CPPED1: variants seen among roughly 807,000 people sequenced by gnomAD.
The protein encoded by CPPED1 is serine/threonine-protein phosphatase CPPED1.
A neutral mutation model predicts 28.0 loss-of-function variants in CPPED1; 28 were observed. That is an observed-to-expected ratio of 1.00 (90% CI 0.74 to 1.37). The LOEUF (loss-of-function observed/expected upper bound fraction) is 1.37. Ranked by LOEUF, CPPED1 falls within the 40% of genes most tolerant of loss-of-function variation. CPPED1 has a pLI of 0.00. For synonymous variants in CPPED1, 198 were observed against 180.2 expected (o/e 1.10, Z -0.79); for missense variants, 504 against 416.5 (o/e 1.21, Z -1.83).
intron 3 of CPPED1, among the ~76,000 whole-genome samples, chr16:12,686,655 G>A (rs777788535): frequency 6.6e-6 from 1 of 152,230 alleles, no homozygotes; most frequent in African/African-American, 2.4e-5. Context: ...GCTGGGATGG[G>A]AAAGGTGGCT....
intron 2 of CPPED1, among the ~76,000 whole-genome samples, chr16:12,775,317 G>T (rs2080491517): frequency 6.6e-6 from 1 of 152,128 alleles, no homozygotes. Context: ...AAACGACCCA[G>T]TTCCAGATAT....
At chr16:12,796,867 T>C (rs1164353891) in intron 1 of CPPED1, among the ~76,000 whole-genome samples, 2 of 152,156 alleles carry the variant, frequency 1.3e-5, no homozygotes, top group Admixed American at 1.3e-4. Context: ...CAAATGTTTA[T>C]CAATAGGTGG....
intron 2 of CPPED1, among the ~76,000 whole-genome samples, chr16:12,733,495 G>A (rs1314655430): frequency 6.6e-6 from 1 of 152,090 alleles, no homozygotes; most frequent in Non-Finnish European, 1.5e-5. Context: ...GGCTGGTCTT[G>A]AACTTGTGAC....
rs546480120 is a variant in CPPED1 at position 12,741,839 on chromosome 16, TCAGGAGTTCGAAAC to T, written c.290-36804_290-36791del. 7.2e-5 allele frequency among the ~76,000 whole-genome samples: 11 copies of T among 152,222 alleles called. No homozygotes were observed. In the East Asian group the frequency reaches 1.2e-3, roughly 16 times the overall value. On this transcript the variant is annotated intron_variant, in intron 2 of 3. Coordinates refer to ENST00000381774, the MANE Select transcript of CPPED1 (RefSeq NM_018340.3). ...GCCGAGGCAGGTGGATCACTTGAGG[TCAGGAGTTCGAAAC>T]CAGGAGTTCGAAACCAGCATCGCCA...
At chr16:12,777,013 T>G (rs778997138) in intron 2 of CPPED1, among the ~76,000 whole-genome samples, 1 of 152,174 alleles carries the variant, frequency 6.6e-6, no homozygotes, top group Non-Finnish European at 1.5e-5. Context: ...GCTTATAAAT[T>G]ACTCAGTCTG....
At chr16:12,687,702 C>T (rs571966782) in intron 3 of CPPED1, among the ~76,000 whole-genome samples, 31 of 152,234 alleles carry the variant, frequency 2.0e-4, no homozygotes, top group African/African-American at 7.2e-4. Flanking sequence ...AATGGTTATT[C>T]CACAACCCTG....
intron 3 of CPPED1, among the ~76,000 whole-genome samples, chr16:12,667,491 T>A (rs1382261156): frequency 3.3e-5 from 5 of 152,186 alleles, no homozygotes; most frequent in Non-Finnish European, 4.4e-5. Flanking sequence ...TGGTGGCTCA[T>A]GCCTGTAATC....
At chr16:12,683,770 G>C (rs750531095) in intron 3 of CPPED1, among the ~76,000 whole-genome samples, 2 of 152,142 alleles carry the variant, frequency 1.3e-5, no homozygotes, top group African/African-American at 2.4e-5. Context: ...ATGATATTCA[G>C]CTGTCAGTGG....
At chr16:12,734,721 T>G in intron 2 of CPPED1, among the ~76,000 whole-genome samples, 1 of 152,172 alleles carries the variant, frequency 6.6e-6, no homozygotes, top group Non-Finnish European at 1.5e-5. Context: ...CAGGATGTGG[T>G]TCCACTCCCC....
At chr16:12,770,483 T>A (rs1202962346) in intron 2 of CPPED1, among the ~76,000 whole-genome samples, 1 of 152,132 alleles carries the variant, frequency 6.6e-6, no homozygotes, top group Non-Finnish European at 1.5e-5. Context: ...GGAGAAAAAG[T>A]AAATCACACA....
rs534807134 is a variant in CPPED1, at chr16:12,740,264, G to A, written c.290-35215C>T. Among the ~76,000 whole-genome samples the A allele has an allele frequency of 5.1e-4, 78 of 151,924 alleles. 2 individuals carry two copies. In the South Asian group the frequency reaches 0.016, roughly 31 times the overall value. On this transcript the variant is annotated intron_variant, in intron 2 of 3. Transcript: ENST00000381774. ...AGTTCAACACCAGCCTGGCCAACAT[G>A]GTGAAACCCCATCTCTACAAAAATA... is the stretch of plus-strand genomic sequence containing the variant.
intron 2 of CPPED1, among the ~76,000 whole-genome samples, chr16:12,747,421 ACT>A (rs1199467417): frequency 3.5e-5 from 5 of 140,950 alleles, no homozygotes; most frequent in African/African-American, 1.4e-4. Flanking sequence ...GAAAAGGGGG[ACT>A]CTGTTTTAAA....
chr16:12,803,263 A>G (rs1003051819), intron 1 of CPPED1, among the ~76,000 whole-genome samples: 1 of 152,224 alleles, frequency 6.6e-6, no homozygotes, highest in Non-Finnish European at 1.5e-5. Flanking sequence ...AGTACAGAAT[A>G]CATAACGGTG....
chr16:12,664,824 G>A lies in CPPED1; in HGVS notation c.*62C>T, dbSNP rs2079815580. The A allele has an allele frequency of 6.2e-7, 1 of 1,602,270 alleles. No homozygotes were observed. Among genetic ancestry groups the A allele is most frequent in the Non-Finnish European group, 8.5e-7 (1 of 1,176,786 alleles). On this transcript the variant is annotated 3_prime_UTR_variant, in exon 4 of 4. Coordinates refer to ENST00000381774, the MANE Select transcript of CPPED1 (RefSeq NM_018340.3). This position sits in a 1 kb window ranked among gnomAD's most constrained non-coding sequence, Gnocchi z 4.2. ...TTTCAGCAAGAGGTTGTGTGCAGCTGCTGTTTCTGGCAAAATAAAAAAATA... is the reference window on the plus strand; with the variant it reads ...TTTCAGCAAGAGGTTGTGTGCAGCTACTGTTTCTGGCAAAATAAAAAAATA...
chr16:12,784,372 A>T (rs371176076), intron 1 of CPPED1, among the ~76,000 whole-genome samples: 13 of 152,260 alleles, frequency 8.5e-5, no homozygotes, highest in East Asian at 7.7e-4. Flanking sequence ...TGGCAGATGA[A>T]CTCAACTAAG....
At chr16:12,734,064 T>A (rs984121130) in intron 2 of CPPED1, among the ~76,000 whole-genome samples, 3 of 112,628 alleles carry the variant, frequency 2.7e-5, no homozygotes, top group Admixed American at 9.0e-5. Context: ...ACACGTTTTT[T>A]TTTTTTTTTT....
At chr16:12,767,330 A>G (rs1307863204) in intron 2 of CPPED1, among the ~76,000 whole-genome samples, 1 of 152,132 alleles carries the variant, frequency 6.6e-6, no homozygotes, top group African/African-American at 2.4e-5. Context: ...TTTTTGTTCT[A>G]TTCAAACCCT....
rs1271842370 is a variant in CPPED1, at chr16:12,662,592, A to G, written c.*2294T>C. On this transcript the variant is annotated 3_prime_UTR_variant, in exon 4 of 4. Transcript: ENST00000381774. Reference sequence around the variant, plus strand: ...TTCCACACTCTATGTTCATGGGTACACTTTATGTAGCTCCCATTTATGAGT... The same window carrying G: ...TTCCACACTCTATGTTCATGGGTACGCTTTATGTAGCTCCCATTTATGAGT... 1 of 152,160 alleles carries G rather than the reference A, an allele frequency of 6.6e-6. No homozygotes were observed. The allele number at this position is 152,160 out of a possible 1,614,324, so 9.4% of individuals were successfully genotyped here. A position where few individuals can be genotyped will look rare whatever the true frequency, so the allele number is the denominator to read the frequency against.
intron 2 of CPPED1, among the ~76,000 whole-genome samples, chr16:12,711,924 G>A (rs572646600): frequency 3.4e-4 from 51 of 152,232 alleles, no homozygotes; most frequent in African/African-American, 9.9e-4. Context: ...CCCCTACCCA[G>A]GGAAGAGACA....
Sources: allele counts gnomAD v4.1 joint callset (sites outside exome capture counted in the v4.1 genomes callset), GRCh38; gene constraint gnomAD v4.1.1; non-coding constraint Gnocchi (gnomAD v3.1); transcripts MANE v1.5; gene names NCBI Gene and HGNC (gene_info 2026-07-23, HGNC 2026-07-21).